FTO: variants seen among roughly 807,000 people sequenced by gnomAD.
FTO encodes FTO alpha-ketoglutarate dependent dioxygenase.
In FTO, 47 loss-of-function variants were observed where a neutral mutation model predicts 63.9. The ratio of observed to expected loss-of-function variants is 0.74; its 90% CI spans 0.58 to 0.94. The LOEUF (loss-of-function observed/expected upper bound fraction) is 0.94. Among genes scored for constraint, FTO ranks in the 40% least tolerant of loss-of-function variants. FTO has a pLI of 0.00. For missense variants in FTO, 562 were observed against 618.1 expected (o/e 0.91, Z 0.96); for synonymous variants, 207 against 224.4 (o/e 0.92, Z 0.69).
chr16:53,892,494 A>G (rs2081174233), intron 7 of FTO, among the ~76,000 whole-genome samples: 1 of 152,208 alleles, frequency 6.6e-6, no homozygotes. Context: ...GACTAATCCA[A>G]ATGGAATTTC....
chr16:54,033,993 G>C (rs945967446), intron 8 of FTO: 5 of 152,138 alleles, frequency 3.3e-5, no homozygotes, highest in Non-Finnish European at 5.9e-5. Flanking sequence ...AGACTTGTAC[G>C]TACCTGGGCT....
intron 8 of FTO, among the ~76,000 whole-genome samples, chr16:54,050,083 G>A (rs1169183309): frequency 6.6e-6 from 1 of 152,158 alleles, no homozygotes. Context: ...GGGCAGACAG[G>A]ATTCCTCCTG....
chr16:53,887,401 C>T (rs947869246), intron 6 of FTO, among the ~76,000 whole-genome samples: 1 of 152,118 alleles, frequency 6.6e-6, no homozygotes, highest in Admixed American at 6.6e-5. Flanking sequence ...GTTGCATATT[C>T]CACCCCTGGC....
intron 1 of FTO, among the ~76,000 whole-genome samples, chr16:53,773,961 G>A (rs909924298): frequency 5.3e-5 from 8 of 152,108 alleles, no homozygotes; most frequent in African/African-American, 9.7e-5. Flanking sequence ...GGTTAAAATC[G>A]GAGAAGAAAA....
intron 7 of FTO, among the ~76,000 whole-genome samples, chr16:53,909,811 G>A (rs1039409860): frequency 5.9e-5 from 9 of 151,974 alleles, no homozygotes; most frequent in Admixed American, 6.6e-5. Context: ...TGATCCGCCC[G>A]CATTGGCTTT....
chr16:54,118,482 C>T lies in FTO; in HGVS notation c.*6567C>T, dbSNP rs1225951321. ...TCAAGCGATTCTCCTGCCTCAGCCT[C>T]CTAAGTAGTCGGGATCATAGGCACT... On this transcript the variant is annotated 3_prime_UTR_variant, in exon 9 of 9. Transcript: ENST00000471389. 1 of 151,862 alleles carries T rather than the reference C, an allele frequency of 6.6e-6. No individual in the cohort carries two copies. The highest frequency in any genetic ancestry group is 2.4e-5 in the African/African-American group (1 of 41,322). The allele number at this position is 151,862 out of a possible 1,614,324, so 9.4% of individuals were successfully genotyped here. A position where few individuals can be genotyped will look rare whatever the true frequency, so the allele number is the denominator to read the frequency against.
chr16:53,888,627 A>T (rs189661328), intron 6 of FTO, among the ~76,000 whole-genome samples: 72 of 152,208 alleles, frequency 4.7e-4, no homozygotes, highest in Non-Finnish European at 7.2e-4. Flanking sequence ...GCCAGACCTC[A>T]GTTTTAAGAC....
At chr16:53,949,438 C>T (rs957838562) in intron 8 of FTO, among the ~76,000 whole-genome samples, 7 of 152,228 alleles carry the variant, frequency 4.6e-5, no homozygotes, top group African/African-American at 1.7e-4. Context: ...TAAGCCTAAA[C>T]CTTGGCGGCC....
At chr16:53,756,020 C>T (rs966468145) in intron 1 of FTO, among the ~76,000 whole-genome samples, 2 of 152,158 alleles carry the variant, frequency 1.3e-5, no homozygotes. Flanking sequence ...AAGATGAAAA[C>T]GCCAAACCCT....
intron 3 of FTO, among the ~76,000 whole-genome samples, chr16:53,834,570 A>G (rs774028189): frequency 1.3e-5 from 2 of 152,206 alleles, no homozygotes; most frequent in Admixed American, 1.3e-4. Context: ...AACACTTGTA[A>G]AGTGCCAAGA....
chr16:54,051,271 C>T (rs62034106), intron 8 of FTO, among the ~76,000 whole-genome samples: 5,164 of 152,290 alleles, frequency 0.034, 125 homozygotes, highest in South Asian at 0.12. Context: ...TGGCCGGTGT[C>T]ATGGCATCTA....
At chr16:53,851,175 C>T (rs916529421) in intron 4 of FTO, among the ~76,000 whole-genome samples, 3 of 150,602 alleles carry the variant, frequency 2.0e-5, no homozygotes, top group South Asian at 2.1e-4. Context: ...TGGCTGGGTG[C>T]GGTGGCTCAC....
intron 8 of FTO, among the ~76,000 whole-genome samples, chr16:54,109,624 C>T (rs944314514): frequency 8.5e-5 from 13 of 152,226 alleles, no homozygotes; most frequent in Non-Finnish European, 1.3e-4. Flanking sequence ...TGAGCCACCA[C>T]GCCTGGCCCC....
intron 6 of FTO, among the ~76,000 whole-genome samples, chr16:53,882,960 G>A (rs1318909037): frequency 2.0e-5 from 3 of 152,070 alleles, no homozygotes; most frequent in African/African-American, 7.2e-5. Context: ...CCTTCATTGT[G>A]CCTGATGGGT....
At chr16:53,829,625 A>C (rs2079093163) in intron 3 of FTO, among the ~76,000 whole-genome samples, 1 of 152,242 alleles carries the variant, frequency 6.6e-6, no homozygotes, top group African/African-American at 2.4e-5. Flanking sequence ...TAAGGAGGTC[A>C]TAGAGAGTGG....
intron 4 of FTO, 126 bp from the exon 5 acceptor site, chr16:53,873,660 A>T: frequency 2.8e-6 from 2 of 724,264 alleles, no homozygotes; most frequent in Non-Finnish European, 4.8e-6. Flanking sequence ...GTAAGTATTG[A>T]TTCCTTGGTT....
chr16:53,739,422 G>A (rs1036956787), intron 1 of FTO, among the ~76,000 whole-genome samples: 3 of 149,040 alleles, frequency 2.0e-5, no homozygotes, highest in African/African-American at 7.4e-5. Context: ...TACCGTGTTA[G>A]CCAGGATGGT....
At chr16:53,834,736 A>C (rs2079243521) in intron 3 of FTO, among the ~76,000 whole-genome samples, 1 of 152,118 alleles carries the variant, frequency 6.6e-6, no homozygotes, top group Admixed American at 6.5e-5. Flanking sequence ...TTTTCTTCCC[A>C]TTTTCATTTC....
At position 53,844,102 on chromosome 16, in the gene FTO, C is replaced by T. The variant is rs1012151058; in HGVS notation, c.752-53C>T. The stretch of plus-strand genomic sequence containing the variant: ...TTTCTAAAATAACAATTATAAAATT[C>T]AGAAGCTTAGATTAAACATTTCCTT... On this transcript the variant is annotated intron_variant, in intron 3 of 8. Transcript: ENST00000471389. 4 of 1,455,970 alleles carry T rather than the reference C, an allele frequency of 2.7e-6. No individual in the cohort carries two copies. In the African/African-American group the frequency reaches 5.6e-5, roughly 20 times the overall value. The allele number at this position is 1,455,970 out of a possible 1,614,324, so 90.2% of individuals were successfully genotyped here.
Sources: allele counts gnomAD v4.1 joint callset (sites outside exome capture counted in the v4.1 genomes callset), GRCh38; gene constraint gnomAD v4.1.1; transcripts MANE v1.5; gene names NCBI Gene and HGNC (gene_info 2026-07-23, HGNC 2026-07-21).